Variants in NBAS observed in about 807,000 individuals in gnomAD.
The protein encoded by NBAS is NAG/BC035112 fusion.
Under a neutral mutation model 302.5 loss-of-function variants are expected in NBAS, and 219 were observed. That is an observed-to-expected ratio of 0.72 (90% CI 0.65 to 0.81). NBAS has a LOEUF of 0.81. Ranked by LOEUF, NBAS falls within the 30% of genes least tolerant of loss-of-function variation. The pLI, the probability that NBAS is intolerant of heterozygous loss-of-function variation, is 0.00. For missense variants in NBAS, 2,932 were observed against 2,841.6 expected (o/e 1.03, Z -0.72); for synonymous variants, 1,118 against 1,021.6 (o/e 1.09, Z -1.80).
intron 19 of NBAS, among the ~76,000 whole-genome samples, chr2:15,463,782 C>T (rs1338881414): frequency 2.6e-5 from 1 of 38,652 alleles, no homozygotes; most frequent in Admixed American, 3.0e-4. Context: ...TCAAATGAAC[C>T]AAATGCAAAA....
chr2:15,236,329 CTTGAGCCCAGGACT>C (rs1206523529), intron 45 of NBAS, among the ~76,000 whole-genome samples: 2 of 151,876 alleles, frequency 1.3e-5, no homozygotes, highest in Non-Finnish European at 1.5e-5. Context: ...GGGCGAGTAG[CTTGAGCCCAGGACT>C]TTGAGACCAG....
At chr2:15,247,224 C>A (rs1018654070) in intron 44 of NBAS, among the ~76,000 whole-genome samples, 4 of 152,124 alleles carry the variant, frequency 2.6e-5, no homozygotes, top group Admixed American at 2.0e-4. Context: ...GAAGTCAGAG[C>A]TCCTGAAGGA....
At chr2:15,309,981 A>G (rs1039167588) in intron 38 of NBAS, among the ~76,000 whole-genome samples, 1 of 152,230 alleles carries the variant, frequency 6.6e-6, no homozygotes, top group Non-Finnish European at 1.5e-5. Context: ...TGTAATCACA[A>G]TATGAATCCT....
the NBAS span, among the ~76,000 whole-genome samples, chr2:14,911,390 A>C: frequency 1.3e-5 from 2 of 152,342 alleles, no homozygotes; most frequent in Non-Finnish European, 2.9e-5. Flanking sequence ...TCAGGAATCC[A>C]TGAGGATCAA....
chr2:14,938,836 C>T, the NBAS span, among the ~76,000 whole-genome samples: 2 of 152,220 alleles, frequency 1.3e-5, no homozygotes, highest in South Asian at 4.1e-4. Flanking sequence ...CTATCTGTAG[C>T]CACTGAAGTG....
At chr2:15,165,965 T>C (rs1463330922), downstream of NBAS, among the ~76,000 whole-genome samples, 2 of 151,704 alleles carry the variant, frequency 1.3e-5, no homozygotes, top group Non-Finnish European at 2.9e-5. Context: ...GATGGATGCC[T>C]CCAACGGCCC....
intron 40 of NBAS, among the ~76,000 whole-genome samples, chr2:15,298,917 C>G (rs1286594175): frequency 6.6e-6 from 1 of 152,166 alleles, no homozygotes; most frequent in African/African-American, 2.4e-5. Flanking sequence ...TGGAGAGTGA[C>G]TCAAGCCACC....
Position 15,266,618 on chromosome 2 carries a change from A to G in NBAS, c.5724+8866T>C, listed in dbSNP as rs182348475. On this transcript the variant is annotated intron_variant, in intron 44 of 51. Coordinates refer to ENST00000281513, the MANE Select transcript of NBAS (RefSeq NM_015909.4). The stretch of plus-strand genomic sequence containing the variant: ...TTAAAGGAAAATATGTAATAATGAA[A>G]AAAATGATGATATATGAAGGAAAGG... Among the ~76,000 whole-genome samples, 60 of 152,328 alleles carry G rather than the reference A, an allele frequency of 3.9e-4. 1 individual carries two copies. Among genetic ancestry groups the G allele is most frequent in the Admixed American group, 3.6e-3 (55 of 15,302 alleles).
chr2:14,830,362 C>A, the NBAS span, among the ~76,000 whole-genome samples: 1 of 152,096 alleles, frequency 6.6e-6, no homozygotes, highest in Admixed American at 6.6e-5. Context: ...TTAAACAGAT[C>A]AGGGATGATT....
Position 15,167,233 on chromosome 2 carries a change from G to A in NBAS, c.6931C>T (p.Arg2311Cys), listed in dbSNP as rs769181635. The A allele has an allele frequency of 1.9e-5, 31 of 1,614,128 alleles. No individual in the cohort carries two copies. Among genetic ancestry groups the A allele is most frequent in the African/African-American group, 5.3e-5 (4 of 74,948 alleles). The change falls in exon 52 of 52, where the codon CGT becomes TGT. Residue 2311 changes from arginine (R) to cysteine (C), a missense_variant. Coordinates refer to ENST00000281513, the MANE Select transcript of NBAS (RefSeq NM_015909.4). ...CTAGCCAAGAGGTGGTCAACAATAC[G>A]TGGATAGAAGGGAGTGGAGACACAC... ...VKCVSTPFYP[R>C]IVDHLLASLQ...
intron 6 of NBAS, among the ~76,000 whole-genome samples, chr2:15,544,615 A>C (rs1312127790): frequency 6.6e-6 from 1 of 152,222 alleles, no homozygotes; most frequent in Non-Finnish European, 1.5e-5. Context: ...AATAATAAAG[A>C]GAAAATTTTA....
intron 25 of NBAS, among the ~76,000 whole-genome samples, chr2:15,407,358 C>G (rs1676465714): frequency 6.6e-6 from 1 of 152,136 alleles, no homozygotes; most frequent in Non-Finnish European, 1.5e-5. Context: ...GACAGGAGTC[C>G]AGGACCTGCC....
At chr2:15,002,865 C>G in the NBAS span, among the ~76,000 whole-genome samples, 1 of 152,230 alleles carries the variant, frequency 6.6e-6, no homozygotes, top group South Asian at 2.1e-4. Flanking sequence ...ACCCGGAACT[C>G]CAGCTGGCCC....
rs1464947757 is a variant in NBAS, at chr2:15,553,347, T to C, written c.335+79A>G. The C allele has an allele frequency of 5.3e-6, 7 of 1,311,358 alleles. 1 individual carries two copies. In the South Asian group the frequency reaches 7.4e-5, roughly 14 times the overall value. The allele number at this position is 1,311,358 out of a possible 1,614,324, so 81.2% of individuals were successfully genotyped here. A position where few individuals can be genotyped will look rare whatever the true frequency, so the allele number is the denominator to read the frequency against. Reference sequence around the variant, plus strand: ...AAAATCCTTTTAAATATATCCCCTATAAAAATCTTAGTTTCCATTTATAGA... The same window carrying C: ...AAAATCCTTTTAAATATATCCCCTACAAAAATCTTAGTTTCCATTTATAGA... On this transcript the variant is annotated intron_variant, in intron 5 of 51. Coordinates refer to ENST00000281513, the MANE Select transcript of NBAS (RefSeq NM_015909.4).
At chr2:14,845,320 T>C in the NBAS span, among the ~76,000 whole-genome samples, 1 of 152,228 alleles carries the variant, frequency 6.6e-6, no homozygotes, top group South Asian at 2.1e-4. Flanking sequence ...GGTACCTCTA[T>C]GAGTCTGCAA....
At chr2:14,908,387 TA>T in the NBAS span, among the ~76,000 whole-genome samples, 12 of 152,048 alleles carry the variant, frequency 7.9e-5, no homozygotes, top group Non-Finnish European at 1.6e-4. Flanking sequence ...ATAAAAATAA[TA>T]AAGTATAGGA....
chr2:15,028,645 C>A, the NBAS span, among the ~76,000 whole-genome samples: 1 of 152,142 alleles, frequency 6.6e-6, no homozygotes, highest in Non-Finnish European at 1.5e-5. Flanking sequence ...GCTACAGTGT[C>A]TCTGTCCTCA....
intron 26 of NBAS, among the ~76,000 whole-genome samples, chr2:15,397,268 T>G (rs796729146): frequency 2.0e-5 from 3 of 152,346 alleles, no homozygotes; most frequent in African/African-American, 7.2e-5. Context: ...CACTCTCAAC[T>G]GAGAAACACT....
chr2:14,953,929 C>T, the NBAS span, among the ~76,000 whole-genome samples: 2 of 152,110 alleles, frequency 1.3e-5, no homozygotes, highest in African/African-American at 4.8e-5. Flanking sequence ...ATGGGACAGG[C>T]ATGGAAGATA....
Sources: allele counts gnomAD v4.1 joint callset (sites outside exome capture counted in the v4.1 genomes callset), GRCh38; gene constraint gnomAD v4.1.1; transcripts MANE v1.5; gene names NCBI Gene and HGNC (gene_info 2026-07-23, HGNC 2026-07-21).